ZSWIM2: variants seen among roughly 807,000 people sequenced by gnomAD.
The protein encoded by ZSWIM2 is zinc finger SWIM-type containing 2, also known as E3 ubiquitin-protein ligase ZSWIM2.
ZSWIM2 carries 38 observed loss-of-function variants against 48.4 expected under a neutral mutation model. The ratio of observed to expected loss-of-function variants is 0.79; its 90% CI spans 0.61 to 1.03. The LOEUF (loss-of-function observed/expected upper bound fraction) is 1.03, where lower values mean the gene tolerates loss of function less well. Ranked by LOEUF, ZSWIM2 falls within the 50% of genes least tolerant of loss-of-function variation. ZSWIM2 has a pLI of 0.00. For missense variants in ZSWIM2, 776 were observed against 730.2 expected (o/e 1.06, Z -0.72); for synonymous variants, 240 against 251.3 (o/e 0.96, Z 0.42).
intron 4 of ZSWIM2, 77 bp from the exon 5 acceptor site, chr2:186,837,631 A>T (rs1011615640): frequency 1.4e-4 from 53 of 387,316 alleles, no homozygotes; most frequent in East Asian, 3.2e-4. Flanking sequence ...TATATATATT[A>T]TATATATATT....
Position 186,828,284 on chromosome 2 carries a change from A to C in ZSWIM2, c.1602T>G (p.Ser534Arg), listed in dbSNP as rs1457784156. 3 of 1,613,568 alleles carry C rather than the reference A, an allele frequency of 1.9e-6. No homozygotes were observed. In the African/African-American group the frequency reaches 4.0e-5, roughly 22 times the overall value. The change falls in exon 9 of 9, where the codon AGT becomes AGG. Residue 534 changes from serine (S) to arginine (R), a missense_variant. Physicochemically the swap from Ser to Arg is moderately radical, Grantham distance 110. Transcript: ENST00000295131. ...CPTAMESPCISGKFHTSLSRM... is the reference protein window; with the variant it reads ...CPTAMESPCIRGKFHTSLSRM... ...GGCTTAGACTAGTGTGAAATTTTCC[A>C]CTGATGCATGGACTTTCCATTGCAG...
At chr2:186,845,000 CAGAG>C (rs989355073) in intron 2 of ZSWIM2, among the ~76,000 whole-genome samples, 45 of 151,324 alleles carry the variant, frequency 3.0e-4, no homozygotes, top group African/African-American at 1.1e-3. Context: ...AGAGATTTGT[CAGAG>C]AGAGTCCATG....
At chr2:186,831,897 A>G (rs2105816393) in intron 7 of ZSWIM2, among the ~76,000 whole-genome samples, 1 of 152,134 alleles carries the variant, frequency 6.6e-6, no homozygotes, top group South Asian at 2.1e-4. Context: ...GGGGGAAGGG[A>G]TAGCATTAGG....
intron 2 of ZSWIM2, among the ~76,000 whole-genome samples, chr2:186,847,344 G>C (rs1168218760): frequency 6.6e-6 from 1 of 151,934 alleles, no homozygotes; most frequent in South Asian, 2.1e-4. Context: ...TCAAGAAAAC[G>C]TGATTTTGGA....
At chr2:186,847,817 T>C in intron 1 of ZSWIM2, 22 bp from the exon 2 acceptor site, 1 of 1,571,526 alleles carries the variant, frequency 6.4e-7, no homozygotes, top group Non-Finnish European at 8.7e-7. Flanking sequence ...AAATGCATAC[T>C]TAAAAAGACC....
chr2:186,838,683 C>G (rs1428059868), intron 4 of ZSWIM2, among the ~76,000 whole-genome samples: 1 of 143,954 alleles, frequency 6.9e-6, no homozygotes, highest in Non-Finnish European at 1.5e-5. Flanking sequence ...ATGTTGCTTC[C>G]TAACATATAT....
intron 6 of ZSWIM2, 114 bp from the exon 7 acceptor site, chr2:186,833,346 A>T: frequency 2.0e-6 from 1 of 503,454 alleles, no homozygotes; most frequent in Non-Finnish European, 3.5e-6. Flanking sequence ...TATTTTAAGC[A>T]TATATATTAT....
intron 3 of ZSWIM2, among the ~76,000 whole-genome samples, chr2:186,840,466 G>A (rs1360935087): frequency 6.6e-6 from 1 of 151,484 alleles, no homozygotes; most frequent in Non-Finnish European, 1.5e-5. Flanking sequence ...ACAGCTAACC[G>A]GGACTGACAT....
chr2:186,837,610 T>TTTTA, intron 4 of ZSWIM2, 56 bp from the exon 5 acceptor site: 4 of 751,944 alleles, frequency 5.3e-6, no homozygotes, highest in Non-Finnish European at 7.8e-6. Flanking sequence ...TACATATCCA[T>TTTTA]TGTATATATA....
Position 186,828,219 on chromosome 2 carries a change from T to A in ZSWIM2, c.1667A>T (p.Lys556Met). ...KGCKCNNHNL[K>M]KTPATKIRED... is the part of the protein sequence containing the mutation. ...TCTTATTTTAGTGGCAGGAGTCTTC[T>A]TTAGGTTGTGGTTATTACATTTACA... Residue 556 changes from lysine to methionine, a missense_variant, in exon 9 of 9, where the codon AAG becomes ATG. Transcript: ENST00000295131. The A allele has an allele frequency of 6.2e-7, 1 of 1,613,534 alleles. No homozygotes were observed. Among genetic ancestry groups the A allele is most frequent in the Non-Finnish European group, 8.5e-7 (1 of 1,179,748 alleles).
At chr2:186,830,865 T>C (rs1396553964) in intron 7 of ZSWIM2, among the ~76,000 whole-genome samples, 4 of 152,146 alleles carry the variant, frequency 2.6e-5, no homozygotes, top group Non-Finnish European at 5.9e-5. Context: ...GTCAGATGCA[T>C]TCCTATCATT....
Position 186,837,530 on chromosome 2 carries a change from A to G in ZSWIM2, c.519T>C (p.His173=). Residue 173 remains histidine (H), a synonymous_variant, in exon 5 of 9, where the codon CAT becomes CAC. Coordinates refer to ENST00000295131, the MANE Select transcript of ZSWIM2 (RefSeq NM_182521.3). ...FCRFGCGNSI[H]IKCMKILANY... is the part of the protein sequence containing the mutation. Reference sequence around the variant, plus strand: ...TAGCTAAGATCTTCATGCATTTTATATGAATACTATTGCCACAGCCAAACC... The same window carrying G: ...TAGCTAAGATCTTCATGCATTTTATGTGAATACTATTGCCACAGCCAAACC... 1.2e-6 allele frequency: 2 copies of G among 1,610,800 alleles called. No individual in the cohort carries two copies. The highest frequency in any genetic ancestry group is 1.7e-6 in the Non-Finnish European group (2 of 1,178,124).
Position 186,827,964 on chromosome 2 carries a change from T to C in ZSWIM2, c.*20A>G, listed in dbSNP as rs889496797. 2 of 1,515,264 alleles carry C rather than the reference T, an allele frequency of 1.3e-6. No individual in the cohort carries two copies. The highest frequency in any genetic ancestry group is 2.8e-5 in the African/African-American group (2 of 71,494). The allele number at this position is 1,515,264 out of a possible 1,614,324, so 93.9% of individuals were successfully genotyped here. On this transcript the variant is annotated 3_prime_UTR_variant, in exon 9 of 9. Transcript: ENST00000295131. The stretch of plus-strand genomic sequence containing the variant: ...TTTTTTTATATTCAACATTCAAATA[T>C]TTTCAGATAGTAAACTTTTTCACAA...
chr2:186,828,264 A>C lies in ZSWIM2; in HGVS notation c.1622T>G (p.Leu541Arg), dbSNP rs201107220. ...TTTACAGCCTTTGGTCATCCGGCTT[A>C]GACTAGTGTGAAATTTTCCACTGAT... ...PCISGKFHTS[L>R]SRMTKGCKCN... Residue 541 changes from leucine to arginine, a missense_variant, in exon 9 of 9, where the codon CTA becomes CGA. Leu to Arg is a moderately radical substitution (Grantham distance 102, BLOSUM62 -2). Transcript: ENST00000295131. 2 of 1,613,596 alleles carry C rather than the reference A, an allele frequency of 1.2e-6. No homozygotes were observed. Among genetic ancestry groups the C allele is most frequent in the Admixed American group, 3.3e-5 (2 of 59,906 alleles).
chr2:186,839,237 T>G (rs986824825), intron 3 of ZSWIM2, 68 bp from the exon 4 acceptor site: 2 of 1,397,822 alleles, frequency 1.4e-6, no homozygotes. Flanking sequence ...TAACAACTTA[T>G]GCTGAAAGTT....
At chr2:186,833,839 A>G (rs1487676905) in intron 6 of ZSWIM2, 107 bp downstream of exon 6, 7 of 867,244 alleles carry the variant, frequency 8.1e-6, no homozygotes, top group South Asian at 1.9e-5. Context: ...TTAAAAACCA[A>G]TCAGCTCTGT....
chr2:186,837,853 T>C (rs1559113951), intron 4 of ZSWIM2, among the ~76,000 whole-genome samples: 1 of 150,848 alleles, frequency 6.6e-6, no homozygotes, highest in Non-Finnish European at 1.5e-5. Flanking sequence ...ATTTGTAAAG[T>C]GAGAATGAAT....
At chr2:186,844,688 AC>A (rs72096458) in intron 3 of ZSWIM2, 28 bp downstream of exon 3, 131,334 of 1,531,736 alleles carry the variant, frequency 0.086, 5,356 homozygotes, top group African/African-American at 0.31. Flanking sequence ...TAAAAAAAAA[AC>A]ACAAAAAACC....
intron 5 of ZSWIM2, among the ~76,000 whole-genome samples, chr2:186,834,901 G>A (rs1461732673): frequency 6.6e-6 from 1 of 152,058 alleles, no homozygotes; most frequent in Admixed American, 6.6e-5. Flanking sequence ...AATTTCATCT[G>A]CAACCTTAAT....
Sources: gnomAD v4.1 joint callset for allele counts (sites outside exome capture counted in the v4.1 genomes callset) on GRCh38, gnomAD v4.1.1 for gene constraint, MANE v1.5 for transcripts, NCBI Gene and HGNC (gene_info 2026-07-23, HGNC 2026-07-21) for gene names.